Variants in ARHGAP6 observed in about 807,000 individuals in gnomAD.
ARHGAP6 encodes the protein Rho GTPase activating protein 6.
A neutral mutation model predicts 55.7 loss-of-function variants in ARHGAP6; 16 were observed. The ratio of observed to expected loss-of-function variants is 0.29; its 90% CI spans 0.19 to 0.44. The LOEUF is 0.44. Among genes scored for constraint, ARHGAP6 ranks in the 20% least tolerant of loss-of-function variants. The pLI is 1.00. For synonymous variants in ARHGAP6, 382 were observed against 360.9 expected (o/e 1.06, Z -0.66); for missense variants, 698 against 808.9 (o/e 0.86, Z 1.66).
At chrX:11,395,632 C>T (rs1443155278) in intron 1 of ARHGAP6, among the ~76,000 whole-genome samples, 1 of 112,177 alleles carries the variant, frequency 8.9e-6, no homozygotes, top group African/African-American at 3.2e-5. Flanking sequence ...TTAGGTACTA[C>T]CGGCAGTGAA....
chrX:11,181,974 A>C, intron 6 of ARHGAP6, 89 bp downstream of exon 6: 1 of 771,028 alleles, frequency 1.3e-6, no homozygotes, highest in East Asian at 3.6e-5. Context: ...AAGATAATCA[A>C]AATGGAATTT....
intron 1 of ARHGAP6, among the ~76,000 whole-genome samples, chrX:11,269,072 G>C (rs770051593): frequency 8.9e-6 from 1 of 111,862 alleles, no homozygotes; most frequent in Non-Finnish European, 1.9e-5. Context: ...GAGCACAGCT[G>C]TCCCACCAAT....
chrX:11,318,220 C>T (rs765492588), intron 1 of ARHGAP6, among the ~76,000 whole-genome samples: 1 of 111,762 alleles, frequency 8.9e-6, no homozygotes, highest in East Asian at 2.8e-4. Flanking sequence ...ATACAGCTGG[C>T]ATAATTGCTG....
intron 1 of ARHGAP6, among the ~76,000 whole-genome samples, chrX:11,409,815 C>G (rs1315808947): frequency 8.9e-6 from 1 of 112,281 alleles, no homozygotes; most frequent in East Asian, 2.8e-4. Context: ...TGGCTACTAT[C>G]AAATAGACAA....
chrX:11,486,529 A>T (rs1373553837), intron 1 of ARHGAP6, among the ~76,000 whole-genome samples: 11 of 112,179 alleles, frequency 9.8e-5, no homozygotes. Flanking sequence ...TAAATCAGTT[A>T]TAATGTTACA....
intron 2 of ARHGAP6, among the ~76,000 whole-genome samples, chrX:11,215,188 G>A (rs2046862356): frequency 8.9e-6 from 1 of 112,901 alleles, no homozygotes; most frequent in African/African-American, 3.2e-5. Flanking sequence ...AGGTCCCCTG[G>A]GCATCCAGGC....
At chrX:11,227,781 ATCTT>A (rs750806238) in intron 2 of ARHGAP6, among the ~76,000 whole-genome samples, 10 of 108,358 alleles carry the variant, frequency 9.2e-5, no homozygotes, top group African/African-American at 2.7e-4. Flanking sequence ...TGCTTTTAAA[ATCTT>A]TCTTTTTCTT....
At chrX:11,618,149 G>A (rs62588053) in intron 1 of ARHGAP6, among the ~76,000 whole-genome samples, 17,227 of 110,840 alleles carry the variant, frequency 0.16, 1,250 homozygotes, top group Middle Eastern at 0.26. Context: ...GGCAGCTTCT[G>A]TAATAGAAGC....
At chrX:11,534,341 T>C (rs1354354683) in intron 1 of ARHGAP6, among the ~76,000 whole-genome samples, 1 of 111,574 alleles carries the variant, frequency 9.0e-6, no homozygotes, top group Non-Finnish European at 1.9e-5. Flanking sequence ...ACACTTAGGT[T>C]AATACTATAC....
intron 1 of ARHGAP6, among the ~76,000 whole-genome samples, chrX:11,487,414 T>A (rs1263441099): frequency 3.6e-5 from 4 of 111,858 alleles, no homozygotes; most frequent in African/African-American, 1.3e-4. Context: ...ATCAAGGAAG[T>A]ATTCAAAGAA....
intron 1 of ARHGAP6, among the ~76,000 whole-genome samples, chrX:11,303,657 A>G (rs1231319666): frequency 8.9e-6 from 1 of 111,823 alleles, no homozygotes; most frequent in African/African-American, 3.3e-5. Flanking sequence ...TGCCTCTCCA[A>G]ATAATTTTCC....
chrX:11,542,405 C>T (rs886408023), intron 1 of ARHGAP6, among the ~76,000 whole-genome samples: 5 of 110,524 alleles, frequency 4.5e-5, no homozygotes, highest in Admixed American at 9.6e-5. Flanking sequence ...ACTCGGGTGG[C>T]AGAGGTTGGC....
intron 1 of ARHGAP6, among the ~76,000 whole-genome samples, chrX:11,406,060 C>T (rs959540297): frequency 3.6e-5 from 4 of 110,807 alleles, no homozygotes; most frequent in African/African-American, 9.9e-5. Flanking sequence ...TGCCACCATG[C>T]CCAGCTAATA....
At chrX:11,479,497 T>C (rs769927413) in intron 1 of ARHGAP6, among the ~76,000 whole-genome samples, 5 of 111,863 alleles carry the variant, frequency 4.5e-5, no homozygotes, top group Admixed American at 9.5e-5. Flanking sequence ...TGGTACTCTA[T>C]GGCAGATGGA....
intron 1 of ARHGAP6, among the ~76,000 whole-genome samples, chrX:11,354,941 T>C (rs543443959): frequency 6.3e-5 from 7 of 111,634 alleles, no homozygotes; most frequent in South Asian, 3.7e-4. Flanking sequence ...TAAAATACAA[T>C]TGTAATTTAT....
intron 1 of ARHGAP6, among the ~76,000 whole-genome samples, chrX:11,595,899 G>T (rs148162636): frequency 3.6e-5 from 4 of 111,169 alleles, no homozygotes; most frequent in African/African-American, 1.3e-4. Context: ...TTAGAATGGC[G>T]ATCATTGAAA....
chrX:11,557,483 C>CA (rs113833524), intron 1 of ARHGAP6, among the ~76,000 whole-genome samples: 27,614 of 87,949 alleles, frequency 0.31, 3,071 homozygotes, highest in Middle Eastern at 0.45. Flanking sequence ...TTCTGAAAGG[C>CA]AAAAAAAAAA....
chrX:11,613,585 C>A (rs868344344), intron 1 of ARHGAP6, among the ~76,000 whole-genome samples: 1 of 112,063 alleles, frequency 8.9e-6, no homozygotes, highest in Non-Finnish European at 1.9e-5. Flanking sequence ...TCTGACAGAG[C>A]TTTTTAACAG....
chrX:11,296,640 T>C, intron 1 of ARHGAP6: 1 of 694,935 alleles, frequency 1.4e-6, no homozygotes, highest in Non-Finnish European at 2.2e-6. Context: ...TTCTGCACTA[T>C]ATAGATTTTT....
Sources: allele counts gnomAD v4.1 joint callset (sites outside exome capture counted in the v4.1 genomes callset), GRCh38; gene constraint gnomAD v4.1.1; transcripts MANE v1.5; gene names NCBI Gene and HGNC (gene_info 2026-07-23, HGNC 2026-07-21).